SLC26A11: variants seen among roughly 807,000 people sequenced by gnomAD.
SLC26A11 encodes the protein sodium-independent sulfate anion transporter.
In SLC26A11, 58 loss-of-function variants were observed where a neutral mutation model predicts 62.2. That is an observed-to-expected ratio of 0.93 (90% CI 0.76 to 1.16). The LOEUF (loss-of-function observed/expected upper bound fraction) is 1.16, where lower values mean the gene tolerates loss of function less well. SLC26A11 is among the 50% of genes most tolerant of loss of function. SLC26A11 has a pLI of 0.00. For synonymous variants in SLC26A11, 411 were observed against 368.9 expected (o/e 1.11, Z -1.31); for missense variants, 790 against 794.3 (o/e 0.99, Z 0.06).
At chr17:80,233,811 T>TTAAGGGATCCTCCCA (rs1567953566) in intron 7 of SLC26A11, among the ~76,000 whole-genome samples, 1 of 129,872 alleles carries the variant, frequency 7.7e-6, no homozygotes, top group Admixed American at 8.3e-5. Flanking sequence ...ACTCCTGGGC[T>TTAAGGGATCCTCCCA]CAAGGGATCC....
intron 7 of SLC26A11, among the ~76,000 whole-genome samples, chr17:80,232,167 C>A (rs1037913095): frequency 2.6e-5 from 4 of 151,444 alleles, no homozygotes; most frequent in Non-Finnish European, 4.4e-5. Flanking sequence ...ACTTTTTTTT[C>A]TGGGCAATAT....
rs1250830805 is a variant in SLC26A11 at position 80,223,188 on chromosome 17, T to C, written c.428-64T>C. ...ATTGCCACCTTCCCCAGCTCACATC[T>C]CCCCTCATCCTCTGGGACTGGGTGG... On this transcript the variant is annotated intron_variant, in intron 4 of 17. Transcript: ENST00000361193. This position sits in a 1 kb window ranked among gnomAD's most constrained non-coding sequence, Gnocchi z 4.6. The C allele has an allele frequency of 1.3e-5, 19 of 1,465,598 alleles. No individual in the cohort carries two copies. The Admixed American group carries it at 2.6e-4, about 20-fold the overall frequency. 90.8% of individuals were successfully genotyped at this position (1,465,598 alleles called of 1,614,324 possible).
At chr17:80,232,297 C>T (rs1161906097) in intron 7 of SLC26A11, among the ~76,000 whole-genome samples, 1 of 151,926 alleles carries the variant, frequency 6.6e-6, no homozygotes, top group African/African-American at 2.4e-5. Flanking sequence ...CTCTGTTGCC[C>T]AGGCTGGAGT....
intron 7 of SLC26A11, 59 bp from the exon 8 acceptor site, chr17:80,236,869 C>G: frequency 6.5e-7 from 1 of 1,546,190 alleles, no homozygotes; most frequent in Non-Finnish European, 8.8e-7. Flanking sequence ...TGGAGGCAGC[C>G]GCGCTACCCC....
chr17:80,225,931 G>T lies in SLC26A11; in HGVS notation c.593+15G>T, dbSNP rs1420012863. On this transcript the variant is annotated intron_variant, in intron 6 of 17. Coordinates refer to ENST00000361193, the MANE Select transcript of SLC26A11 (RefSeq NM_001166347.2). Reference sequence around the variant, plus strand: ...GCAGAGACCAGGTACCCCGGGCTTTGTTCCTCCCTCCTATAAGGAAGCTCC... The same window carrying T: ...GCAGAGACCAGGTACCCCGGGCTTTTTTCCTCCCTCCTATAAGGAAGCTCC... 1.2e-6 allele frequency: 2 copies of T among 1,612,088 alleles called. No homozygotes were observed. Among genetic ancestry groups the T allele is most frequent in the Non-Finnish European group, 1.7e-6 (2 of 1,178,462 alleles).
Position 80,223,039 on chromosome 17 carries a change from A to AC in SLC26A11, c.427+192_427+193insC, listed in dbSNP as rs2042268763. Reference sequence around the variant, plus strand: ...GTCTACTCTTTTCTGCTTAGAGGCCAGGACACTTGGAGAAGTGCCTGTGGC... The same window carrying AC: ...GTCTACTCTTTTCTGCTTAGAGGCCACGGACACTTGGAGAAGTGCCTGTGGC... On this transcript the variant is annotated intron_variant, in intron 4 of 17. Coordinates refer to ENST00000361193, the MANE Select transcript of SLC26A11 (RefSeq NM_001166347.2). This position sits in a 1 kb window ranked among gnomAD's most constrained non-coding sequence, Gnocchi z 4.6. 11 of 733,224 alleles carry AC rather than the reference A, an allele frequency of 1.5e-5. No individual in the cohort carries two copies. Among genetic ancestry groups the AC allele is most frequent in the Non-Finnish European group, 2.2e-5 (10 of 447,188 alleles). 45.4% of individuals were successfully genotyped at this position (733,224 alleles called of 1,614,324 possible).
At chr17:80,227,794 G>C (rs747687012) in intron 6 of SLC26A11, 24 bp from the exon 7 acceptor site, 47 of 1,601,470 alleles carry the variant, frequency 2.9e-5, no homozygotes, top group Non-Finnish European at 2.0e-5. Context: ...GCTGGGTGGT[G>C]ACCAGTCCTC....
intron 5 of SLC26A11, among the ~76,000 whole-genome samples, chr17:80,224,458 A>T (rs796660561): frequency 5.5e-5 from 8 of 144,640 alleles, no homozygotes; most frequent in African/African-American, 1.6e-4. Context: ...TGAGTGTGAG[A>T]GTGTGAGTGT....
In SLC26A11 at chr17:80,237,505, CCT is replaced by C. The variant is rs1416052782; in HGVS notation, c.913-11_913-10del. 6.2e-7 allele frequency: 1 copy of C among 1,604,066 alleles called. No homozygotes were observed. On this transcript the variant is annotated splice_polypyrimidine_tract_variant and intron_variant, in intron 8 of 17. Transcript: ENST00000361193. ...CCCCTTAGGAAGGTCACTCACCATC[CCT>C]CTCTCCTCTCTCAGGACATGGGAGC...
In SLC26A11 at chr17:80,227,810, G is replaced by A. The variant is rs774813208; in HGVS notation, c.594-8G>A. ...CTGGGTGGTGACCAGTCCTCTGCCT[G>A]TCCACAGGGTAGGTGACGCCGTCCT... On this transcript the variant is annotated splice_polypyrimidine_tract_variant and splice_region_variant and intron_variant, in intron 6 of 17. Coordinates refer to ENST00000361193, the MANE Select transcript of SLC26A11 (RefSeq NM_001166347.2). 1.9e-6 allele frequency: 3 copies of A among 1,603,760 alleles called. No individual in the cohort carries two copies. The highest frequency in any genetic ancestry group is 1.7e-6 in the Non-Finnish European group (2 of 1,179,820).
chr17:80,220,513 C>T lies in SLC26A11; in HGVS notation c.-214+17C>T, dbSNP rs2042117667. On this transcript the variant is annotated intron_variant, in intron 1 of 17. Transcript: ENST00000361193. ...GCCGAGTGGGTGAGTCCGTGGCCCG[C>T]GAGGGCGGCGAGCGGGGACCAGGGG... 8.9e-6 allele frequency: 4 copies of T among 449,326 alleles called. No individual in the cohort carries two copies. Among genetic ancestry groups the T allele is most frequent in the Non-Finnish European group, 1.5e-5 (4 of 265,510 alleles). The allele number at this position is 449,326 out of a possible 1,614,324, so 27.8% of individuals were successfully genotyped here.
chr17:80,222,631 G>A lies in SLC26A11; in HGVS notation c.235-24G>A, dbSNP rs369741360. On this transcript the variant is annotated intron_variant, in intron 3 of 17. Transcript: ENST00000361193. This position sits in a 1 kb window ranked among gnomAD's most constrained non-coding sequence, Gnocchi z 4.7. Reference sequence around the variant, plus strand: ...GTGGATGGGCCTCGGCCTCCTGAGTGCTCACCACCCTCTCTCCCCACAGTA... The same window carrying A: ...GTGGATGGGCCTCGGCCTCCTGAGTACTCACCACCCTCTCTCCCCACAGTA... 3.4e-5 allele frequency: 54 copies of A among 1,608,182 alleles called. 1 individual carries two copies. The East Asian group carries it at 5.4e-4, about 16-fold the overall frequency.
Position 80,222,961 on chromosome 17 carries a change from G to A in SLC26A11, c.427+114G>A. On this transcript the variant is annotated intron_variant, in intron 4 of 17. Coordinates refer to ENST00000361193, the MANE Select transcript of SLC26A11 (RefSeq NM_001166347.2). This position sits in a 1 kb window ranked among gnomAD's most constrained non-coding sequence, Gnocchi z 4.7. ...TGCGTGTTGGGGTGTGGGTATGTAT[G>A]TGTGTGTGTGTAGGTGGGTGGGTGG... 7.8e-6 allele frequency: 7 copies of A among 897,626 alleles called. No individual in the cohort carries two copies. Among genetic ancestry groups the A allele is most frequent in the Non-Finnish European group, 1.1e-5 (7 of 612,790 alleles). 55.6% of individuals were successfully genotyped at this position (897,626 alleles called of 1,614,324 possible). A position where few individuals can be genotyped will look rare whatever the true frequency, so the allele number is the denominator to read the frequency against.
chr17:80,230,791 C>A (rs2042544985), intron 7 of SLC26A11, among the ~76,000 whole-genome samples: 1 of 152,150 alleles, frequency 6.6e-6, no homozygotes, highest in Admixed American at 6.6e-5. Context: ...GTGTGTGTAG[C>A]ATTGTCTTAG....
intron 5 of SLC26A11, among the ~76,000 whole-genome samples, chr17:80,224,297 G>C (rs1306411096): frequency 7.2e-6 from 1 of 138,988 alleles, no homozygotes; most frequent in Non-Finnish European, 1.5e-5. Context: ...GAGTGAGTGT[G>C]CGTGTGTGTG....
rs1446225818 is a variant in SLC26A11 at position 80,241,480 on chromosome 17, G to A, written c.986-291G>A. 7.9e-5 allele frequency among the ~76,000 whole-genome samples: 12 copies of A among 152,000 alleles called. No individual in the cohort carries two copies. In the East Asian group the frequency reaches 9.7e-4, roughly 12 times the overall value. Reference sequence around the variant, plus strand: ...TTGCCATGTTGCCCAGGCTGGTCTCGAACTCCTGGGCTCAAGCGATCCTCC... The same window carrying A: ...TTGCCATGTTGCCCAGGCTGGTCTCAAACTCCTGGGCTCAAGCGATCCTCC... On this transcript the variant is annotated intron_variant, in intron 9 of 17. Transcript: ENST00000361193.
chr17:80,249,345 C>T (rs1275556962), intron 16 of SLC26A11, 58 bp downstream of exon 16: 4 of 1,591,148 alleles, frequency 2.5e-6, no homozygotes, highest in Admixed American at 3.4e-5. Context: ...CTTCCTGTGC[C>T]TGCCTCCCAT....
intron 10 of SLC26A11, 140 bp from the exon 11 acceptor site, chr17:80,245,056 G>A (rs1465536832): frequency 2.0e-5 from 14 of 687,332 alleles, no homozygotes; most frequent in Admixed American, 1.5e-4. Flanking sequence ...GAAGGAGTGC[G>A]TAGGCCCAGG....
chr17:80,244,967 T>TGCATTCCAGC, intron 10 of SLC26A11, among the ~76,000 whole-genome samples: 1 of 117,384 alleles, frequency 8.5e-6, no homozygotes, highest in South Asian at 3.4e-4. Context: ...AAAGCCAGAC[T>TGCATTCCAGC]CTGTCTCAAA....
Sources: allele counts gnomAD v4.1 joint callset (sites outside exome capture counted in the v4.1 genomes callset), GRCh38; gene constraint gnomAD v4.1.1; non-coding constraint Gnocchi (gnomAD v3.1); transcripts MANE v1.5; gene names NCBI Gene and HGNC (gene_info 2026-07-23, HGNC 2026-07-21).